The following BCL2L11 variants were observed in gnomAD, a reference collection of about 807,000 sequenced individuals.
BCL2L11 encodes the protein bcl-2-like protein 11.
A neutral mutation model predicts 20.6 loss-of-function variants in BCL2L11; 15 were observed. That is an observed-to-expected ratio of 0.73 (90% CI 0.49 to 1.12). BCL2L11 has a LOEUF of 1.12. BCL2L11 is among the 50% of genes most tolerant of loss of function. BCL2L11 has a pLI of 0.00. For synonymous variants in BCL2L11, 108 were observed against 92.8 expected (o/e 1.16, Z -0.94); for missense variants, 292 against 260.9 (o/e 1.12, Z -0.82).
At chr2:111,163,991 G>A in intron 3 of BCL2L11, 142 bp from the exon 4 acceptor site, 4 of 602,992 alleles carry the variant, frequency 6.6e-6, no homozygotes, top group East Asian at 2.8e-5. Flanking sequence ...GGGAGGCATC[G>A]TGCTTTGTGA....
chr2:111,156,549 A>C (rs1166768290), intron 3 of BCL2L11, among the ~76,000 whole-genome samples: 1 of 152,196 alleles, frequency 6.6e-6, no homozygotes, highest in Non-Finnish European at 1.5e-5. Flanking sequence ...GCCAGAGGTG[A>C]TGAGCTCCTT....
intron 3 of BCL2L11, among the ~76,000 whole-genome samples, chr2:111,152,922 T>C (rs2077414022): frequency 6.6e-6 from 1 of 152,240 alleles, no homozygotes. Context: ...ATCTTTTGCA[T>C]ATCTTAAAAA....
chr2:111,134,610 TCC>T (rs2074524522), intron 2 of BCL2L11, among the ~76,000 whole-genome samples: 1 of 151,514 alleles, frequency 6.6e-6, no homozygotes, highest in South Asian at 2.1e-4. Context: ...TTTTTCCCCT[TCC>T]AATGTTCTTT....
intron 2 of BCL2L11, chr2:111,142,332 C>G (rs2075953898): frequency 6.4e-6 from 10 of 1,550,488 alleles, no homozygotes; most frequent in Non-Finnish European, 8.7e-6. Context: ...CTGGATCCTC[C>G]CTCAGAATTG....
intron 1 of BCL2L11, chr2:111,123,494 G>C (rs891892819): frequency 6.1e-6 from 6 of 985,468 alleles, no homozygotes; most frequent in Non-Finnish European, 3.6e-6. Flanking sequence ...GTGTGCACCA[G>C]TTCCGCAAGC....
intron 2 of BCL2L11, among the ~76,000 whole-genome samples, chr2:111,126,625 C>T (rs1267698676): frequency 6.6e-6 from 1 of 152,130 alleles, no homozygotes; most frequent in East Asian, 1.9e-4. Context: ...TTTCTCTGGA[C>T]ATTCTACAGT....
intron 3 of BCL2L11, chr2:111,161,452 C>T (rs1472856901): frequency 2.6e-6 from 4 of 1,550,396 alleles, no homozygotes; most frequent in Middle Eastern, 1.7e-4. Context: ...ACCACTGTAG[C>T]AGACGCAGAC....
intron 1 of BCL2L11, among the ~76,000 whole-genome samples, chr2:111,122,378 C>G (rs145972386): frequency 6.6e-6 from 1 of 152,142 alleles, no homozygotes; most frequent in Non-Finnish European, 1.5e-5. Flanking sequence ...GCAGGGTGGC[C>G]GGGCCAGCCG....
intron 2 of BCL2L11, chr2:111,128,586 C>T: frequency 6.7e-7 from 1 of 1,491,864 alleles, no homozygotes. Flanking sequence ...TCCAGTTTCT[C>T]CACATACTTA....
intron 1 of BCL2L11, chr2:111,123,089 G>C: frequency 1.0e-6 from 1 of 976,716 alleles, no homozygotes; most frequent in Non-Finnish European, 1.2e-6. Flanking sequence ...ACCTCACGGT[G>C]TGCACCTCAG....
Position 111,120,979 on chromosome 2 carries a change from T to TGCCGCTGCC in BCL2L11, c.-218_-217insTGCCGCCGC, listed in dbSNP as rs1465879075. ...GCTCTGCGTCCAGCGCCGCTGCCGCTGCCGCCGCCGCCGCCGCCGCCGCCG... is the reference window on the plus strand; with the variant it reads ...GCTCTGCGTCCAGCGCCGCTGCCGCTGCCGCTGCCGCCGCCGCCGCCGCCGCCGCCGCCG... On this transcript the variant is annotated 5_prime_UTR_variant, in exon 1 of 4. Transcript: ENST00000393256. The TGCCGCTGCC allele has an allele frequency of 3.4e-3, 1,157 of 336,080 alleles. 18 individuals are homozygous for TGCCGCTGCC. The highest frequency in any genetic ancestry group is 0.022 in the African/African-American group (960 of 42,832). 20.8% of individuals were successfully genotyped at this position (336,080 alleles called of 1,614,324 possible).
intron 1 of BCL2L11, among the ~76,000 whole-genome samples, chr2:111,121,904 G>A (rs1230436913): frequency 1.3e-5 from 2 of 152,174 alleles, no homozygotes; most frequent in African/African-American, 4.8e-5. Context: ...GAACCTGCTC[G>A]GTCCCTGGGC....
At chr2:111,133,242 C>T (rs903044438) in intron 2 of BCL2L11, among the ~76,000 whole-genome samples, 2 of 152,218 alleles carry the variant, frequency 1.3e-5, no homozygotes, top group Non-Finnish European at 2.9e-5. Flanking sequence ...TGGCAGCCTG[C>T]CAAACAGCGT....
chr2:111,159,735 T>C (rs971428199), intron 3 of BCL2L11, among the ~76,000 whole-genome samples: 1 of 152,204 alleles, frequency 6.6e-6, no homozygotes, highest in Non-Finnish European at 1.5e-5. Flanking sequence ...GCACTTAATG[T>C]TCCTCGCTGC....
chr2:111,122,764 G>A (rs2071402413), intron 1 of BCL2L11: 1 of 985,302 alleles, frequency 1.0e-6, no homozygotes, highest in Non-Finnish European at 1.2e-6. Flanking sequence ...CGCGGGCTTT[G>A]CGCTGCGCCG....
At chr2:111,142,254 G>A in intron 2 of BCL2L11, 1 of 1,419,788 alleles carries the variant, frequency 7.0e-7, no homozygotes, top group Non-Finnish European at 9.7e-7. Context: ...GACAAAACAA[G>A]TTATCTGTCT....
intron 3 of BCL2L11, chr2:111,161,613 C>A: frequency 6.7e-7 from 1 of 1,484,986 alleles, no homozygotes; most frequent in Non-Finnish European, 9.0e-7. Context: ...AATGACAGCT[C>A]CTGGCTCAGT....
intron 1 of BCL2L11, 47 bp from the exon 2 acceptor site, chr2:111,123,685 GA>G: frequency 7.6e-7 from 1 of 1,318,244 alleles, no homozygotes; most frequent in Non-Finnish European, 9.9e-7. Context: ...TTTATTCATC[GA>G]TTTTTTTTTT....
chr2:111,124,113 C>T lies in BCL2L11; in HGVS notation c.368C>T (p.Ala123Val), dbSNP rs1271300349. Reference sequence around the variant, plus strand: ...CAAACCCCAAGTCCTCCTTGCCAGGCCTTCAACCACTATCTCAGTGCAATG... The same window carrying T: ...CAAACCCCAAGTCCTCCTTGCCAGGTCTTCAACCACTATCTCAGTGCAATG... Reference protein sequence around the residue: ...STQTPSPPCQAFNHYLSAMAS... With the variant: ...STQTPSPPCQVFNHYLSAMAS... The change falls in exon 2 of 4, where the codon GCC becomes GTC. Residue 123 changes from alanine to valine, a missense_variant. Ala to Val is a moderately conservative substitution (Grantham distance 64). Coordinates refer to ENST00000393256, the MANE Select transcript of BCL2L11 (RefSeq NM_138621.5). 1 of 1,612,228 alleles carries T rather than the reference C, an allele frequency of 6.2e-7. No homozygotes were observed. The highest frequency in any genetic ancestry group is 8.5e-7 in the Non-Finnish European group (1 of 1,179,240).
Sources: allele counts gnomAD v4.1 joint callset (sites outside exome capture counted in the v4.1 genomes callset), GRCh38; gene constraint gnomAD v4.1.1; transcripts MANE v1.5; gene names NCBI Gene and HGNC (gene_info 2026-07-23, HGNC 2026-07-21).